The following ATP2B2 variants were observed in gnomAD, a reference collection of about 807,000 sequenced individuals.
ATP2B2 encodes plasma membrane calcium-transporting ATPase 2.
Under a neutral mutation model 120.0 loss-of-function variants are expected in ATP2B2, and 15 were observed. The ratio of observed to expected loss-of-function variants is 0.12; its 90% CI spans 0.08 to 0.19. The LOEUF is 0.19. Ranked by LOEUF, ATP2B2 falls within the 10% of genes least tolerant of loss-of-function variation. The pLI is 1.00. For synonymous variants in ATP2B2, 694 were observed against 700.3 expected, an observed-to-expected ratio of 0.99 and a Z score of 0.14; for missense variants, 1,045 against 1,719.8, an observed-to-expected ratio of 0.61 and a Z score of 6.94.
rs141356421 is a variant in ATP2B2, at chr3:10,328,963, C to T, written c.3583G>A (p.Ala1195Thr). ...IDDTDLEEDA[A>T]LKQNSSPPSS... is the part of the protein sequence containing the mutation. The stretch of plus-strand genomic sequence containing the variant: ...GGCGGGCTCGAGTTCTGCTTGAGCG[C>T]GGCATCTTCTTCCAGGTCGGTGTCA... Residue 1195 changes from alanine (A) to threonine (T), a missense_variant, in exon 23 of 23, where the codon GCG becomes ACG. This residue lies in a region of ATP2B2 where 211 missense variants were observed against 385.1 expected (regional missense o/e 0.55). Coordinates refer to ENST00000360273, the MANE Select transcript of ATP2B2 (RefSeq NM_001001331.4). 61 of 1,613,686 alleles carry T rather than the reference C, an allele frequency of 3.8e-5. No homozygotes were observed. In the African/African-American group the frequency reaches 4.0e-4, roughly 11 times the overall value.
chr3:10,474,840 C>G (rs1251436615), intron 1 of ATP2B2, among the ~76,000 whole-genome samples: 1 of 152,260 alleles, frequency 6.6e-6, no homozygotes, highest in African/African-American at 2.4e-5. Context: ...CTTTCCATGG[C>G]CTTCTGGACA....
intron 3 of ATP2B2, among the ~76,000 whole-genome samples, chr3:10,512,110 T>A (rs1315327557): frequency 1.3e-5 from 2 of 152,166 alleles, no homozygotes; most frequent in Non-Finnish European, 1.5e-5. Flanking sequence ...AGAGGGTGTG[T>A]GGCTTGTTCA....
chr3:10,656,399 T>A lies in ATP2B2; in HGVS notation c.-459-36438A>T, dbSNP rs75224091. Among the ~76,000 whole-genome samples, 54 of 152,336 alleles carry A rather than the reference T, an allele frequency of 3.5e-4. No homozygotes were observed. The East Asian group carries it at 9.7e-3, about 27-fold the overall frequency. On this transcript the variant is annotated intron_variant, in intron 1 of 21. Coordinates refer to the ATP2B2 transcript ENST00000646379. Reference sequence around the variant, plus strand: ...CCCAGAGCACTCTGCAGATGTTGTATCTTTCCTTCCTTTCCCCTCAGGAAC... The same window carrying A: ...CCCAGAGCACTCTGCAGATGTTGTAACTTTCCTTCCTTTCCCCTCAGGAAC...
chr3:10,620,309 G>T (rs536729183), intron 1 of ATP2B2, among the ~76,000 whole-genome samples: 1 of 152,286 alleles, frequency 6.6e-6, no homozygotes, highest in East Asian at 1.9e-4. Flanking sequence ...TGGGAACTCT[G>T]GAGGAAGACG....
chr3:10,415,452 TCTC>T, intron 2 of ATP2B2, among the ~76,000 whole-genome samples: 1 of 152,240 alleles, frequency 6.6e-6, no homozygotes, highest in South Asian at 2.1e-4. Flanking sequence ...CCACTTCTCT[TCTC>T]TGGGCCTCAG....
chr3:10,388,931 A>AT (rs1054569608), intron 5 of ATP2B2, among the ~76,000 whole-genome samples: 3 of 151,966 alleles, frequency 2.0e-5, no homozygotes, highest in African/African-American at 7.2e-5. Context: ...TATACCACAT[A>AT]TTTTTTTTCT....
intron 2 of ATP2B2, among the ~76,000 whole-genome samples, chr3:10,599,819 C>T (rs553643673): frequency 1.2e-4 from 17 of 145,388 alleles, no homozygotes; most frequent in East Asian, 8.1e-4. Context: ...GGGGGTGGGG[C>T]GGCAGGCAAG....
In ATP2B2 at chr3:10,592,335, A is replaced by G. The variant is rs906364517; in HGVS notation, c.-415+27582T>C. On this transcript the variant is annotated intron_variant, in intron 2 of 21. Transcript: ENST00000646379. ...AATATGTTTGAAATTATGTATAATT[A>G]TAAGTCAAACATAAATAAAGTCACT... is the stretch of plus-strand genomic sequence containing the variant. 5.9e-5 allele frequency among the ~76,000 whole-genome samples: 9 copies of G among 152,272 alleles called. No individual in the cohort carries two copies. The East Asian group carries it at 1.7e-3, about 29-fold the overall frequency.
chr3:10,499,898 T>G (rs1030855116), intron 1 of ATP2B2, among the ~76,000 whole-genome samples: 6 of 151,502 alleles, frequency 4.0e-5, no homozygotes, highest in Admixed American at 6.6e-5. Flanking sequence ...ATCCCAGCTC[T>G]GCCCCTCACT....
At chr3:10,531,777 C>T (rs1575466030) in intron 3 of ATP2B2, among the ~76,000 whole-genome samples, 1 of 152,140 alleles carries the variant, frequency 6.6e-6, no homozygotes, top group South Asian at 2.1e-4. Flanking sequence ...CATCGCAATG[C>T]CTGGCACGCA....
chr3:10,606,895 A>ACACACG (rs2069083847), intron 2 of ATP2B2, among the ~76,000 whole-genome samples: 2 of 35,730 alleles, frequency 5.6e-5, no homozygotes, highest in African/African-American at 9.5e-5. Flanking sequence ...ACACACACAC[A>ACACACG]CACACACACA....
intron 1 of ATP2B2, among the ~76,000 whole-genome samples, chr3:10,634,190 G>A (rs1484339046): frequency 2.0e-5 from 3 of 152,214 alleles, no homozygotes; most frequent in East Asian, 1.9e-4. Flanking sequence ...ACTACCAGGT[G>A]CTTATTACTT....
At chr3:10,623,907 C>T (rs996034645) in intron 1 of ATP2B2, among the ~76,000 whole-genome samples, 12 of 152,320 alleles carry the variant, frequency 7.9e-5, no homozygotes, top group African/African-American at 2.9e-4. Context: ...ATTCCAACTC[C>T]ACCCTCTACT....
chr3:10,508,193 C>T (rs1418028686), upstream of ATP2B2, among the ~76,000 whole-genome samples: 1 of 152,188 alleles, frequency 6.6e-6, no homozygotes, highest in Non-Finnish European at 1.5e-5. Context: ...TGACTGGATG[C>T]CCCTATCTCC....
At chr3:10,549,563 T>C (rs1474360280) in intron 2 of ATP2B2, among the ~76,000 whole-genome samples, 1 of 152,276 alleles carries the variant, frequency 6.6e-6, no homozygotes, top group Non-Finnish European at 1.5e-5. Flanking sequence ...TAGCATGTCC[T>C]ATCACTTAGG....
At chr3:10,348,186 TC>T (rs2060481032) in intron 16 of ATP2B2, among the ~76,000 whole-genome samples, 1 of 151,970 alleles carries the variant, frequency 6.6e-6, no homozygotes. Context: ...ACTGATGGGA[TC>T]CCAGACCCTC....
At chr3:10,513,374 G>A (rs2066812660) in intron 3 of ATP2B2, among the ~76,000 whole-genome samples, 1 of 152,200 alleles carries the variant, frequency 6.6e-6, no homozygotes, top group African/African-American at 2.4e-5. Flanking sequence ...CCGGATGGCT[G>A]GGGGAAAGTG....
chr3:10,338,361 G>A lies in ATP2B2; in HGVS notation c.3238-3C>T, dbSNP rs1231420089. ...CTGGTCGGGATGGTGGCGATGACCT[G>A]CAAGGGACCCTGTCTGTCAGGACGG... On this transcript the variant is annotated splice_polypyrimidine_tract_variant and splice_region_variant and intron_variant, in intron 21 of 22. Transcript: ENST00000360273. 1.2e-6 allele frequency: 2 copies of A among 1,614,100 alleles called. No individual in the cohort carries two copies. Among genetic ancestry groups the A allele is most frequent in the African/African-American group, 1.3e-5 (1 of 75,036 alleles).
intron 1 of ATP2B2, among the ~76,000 whole-genome samples, chr3:10,498,144 C>T (rs1348754617): frequency 1.3e-5 from 2 of 152,244 alleles, no homozygotes; most frequent in African/African-American, 4.8e-5. Flanking sequence ...GGAATCCGCA[C>T]AGTTCAGTCT....
Sources: gnomAD v4.1 joint callset for allele counts (sites outside exome capture counted in the v4.1 genomes callset) on GRCh38, gnomAD v4.1.1 for gene constraint, gnomAD v4.1.1 regional missense constraint, MANE v1.5 for transcripts, NCBI Gene and HGNC (gene_info 2026-07-23, HGNC 2026-07-21) for gene names.